Variants in SMAD1 observed in about 807,000 individuals in gnomAD.
SMAD1 encodes SMAD family member 1.
Under a neutral mutation model 41.6 loss-of-function variants are expected in SMAD1, and 6 were observed. That is an observed-to-expected ratio of 0.14 (90% CI 0.08 to 0.28). The LOEUF is 0.28. Among genes scored for constraint, SMAD1 ranks in the 10% least tolerant of loss-of-function variants. The pLI, the probability that SMAD1 is intolerant of heterozygous loss-of-function variation, is 1.00. For synonymous variants in SMAD1, 206 were observed against 203.2 expected, an observed-to-expected ratio of 1.01 and a Z score of -0.12; for missense variants, 379 against 582.6, an observed-to-expected ratio of 0.65 and a Z score of 3.60.
rs371946497 is a variant in SMAD1, at chr4:145,522,886, C to T, written c.400+7873C>T. On this transcript the variant is annotated intron_variant, in intron 2 of 6. Coordinates refer to ENST00000302085, the MANE Select transcript of SMAD1 (RefSeq NM_005900.3). ...GTAGAGACGGGGTTTCTCCATATGG[C>T]CAGGCTGGTCTCGAACTCCTGACCT... 3.0e-3 allele frequency among the ~76,000 whole-genome samples: 449 copies of T among 151,936 alleles called. 1 individual carries two copies. Among genetic ancestry groups the T allele is most frequent in the African/African-American group, 0.01 (427 of 41,470 alleles).
chr4:145,527,686 G>A (rs1560748507), intron 2 of SMAD1, among the ~76,000 whole-genome samples: 1 of 152,046 alleles, frequency 6.6e-6, no homozygotes, highest in Non-Finnish European at 1.5e-5. Context: ...GTGCTATACT[G>A]CTTCCCAAAA....
chr4:145,542,223 A>G (rs1001152559), intron 3 of SMAD1, among the ~76,000 whole-genome samples: 12 of 152,242 alleles, frequency 7.9e-5, no homozygotes, highest in Admixed American at 6.5e-4. Flanking sequence ...TTTTCCATCT[A>G]TCAGTGAAAC....
chr4:145,530,645 T>C (rs1439561768), intron 2 of SMAD1, among the ~76,000 whole-genome samples: 6 of 152,158 alleles, frequency 3.9e-5, no homozygotes, highest in African/African-American at 1.4e-4. Context: ...TTTTAATATA[T>C]TTGTACTTGA....
chr4:145,536,147 T>C (rs1731600756), intron 2 of SMAD1, among the ~76,000 whole-genome samples: 2 of 152,116 alleles, frequency 1.3e-5, no homozygotes, highest in African/African-American at 4.8e-5. Flanking sequence ...GAGATACAGA[T>C]AGGAAATAGA....
At chr4:145,530,229 A>C (rs936527920) in intron 2 of SMAD1, among the ~76,000 whole-genome samples, 1 of 152,054 alleles carries the variant, frequency 6.6e-6, no homozygotes, top group Admixed American at 6.5e-5. Context: ...CATAGGGAGG[A>C]ATTCTTTTCT....
chr4:145,547,339 G>A (rs1284730503), intron 5 of SMAD1, among the ~76,000 whole-genome samples: 1 of 152,144 alleles, frequency 6.6e-6, no homozygotes, highest in Admixed American at 6.6e-5. Flanking sequence ...CATCGTGCAA[G>A]GTGGCACGAT....
intron 1 of SMAD1, chr4:145,513,248 G>GC (rs982609839): frequency 1.1e-4 from 17 of 152,216 alleles, no homozygotes; most frequent in African/African-American, 4.1e-4. Flanking sequence ...CAGGATCTTG[G>GC]CCCCCTCAAG....
At chr4:145,543,410 G>C (rs1732062504) in intron 4 of SMAD1, among the ~76,000 whole-genome samples, 1 of 152,186 alleles carries the variant, frequency 6.6e-6, no homozygotes, top group Non-Finnish European at 1.5e-5. Context: ...AATTAGGATA[G>C]ATACACATAA....
intron 1 of SMAD1, among the ~76,000 whole-genome samples, chr4:145,510,650 CAGTA>C (rs1730025703): frequency 6.6e-6 from 1 of 152,126 alleles, no homozygotes; most frequent in Non-Finnish European, 1.5e-5. Context: ...TGGTCAATTT[CAGTA>C]AGTATTCCTT....
Position 145,514,562 on chromosome 4 carries a change from T to G in SMAD1, c.-52T>G. 2 of 1,477,842 alleles carry G rather than the reference T, an allele frequency of 1.4e-6. No homozygotes were observed. 91.5% of individuals were successfully genotyped at this position (1,477,842 alleles called of 1,614,324 possible). A position where few individuals can be genotyped will look rare whatever the true frequency, so the allele number is the denominator to read the frequency against. ...ATCTCTTCTGCTGTCCTTTTGCATT[T>G]GGAGACAGCTTTATTTCACCATATC... On this transcript the variant is annotated 5_prime_UTR_variant, in exon 2 of 7. Coordinates refer to ENST00000302085, the MANE Select transcript of SMAD1 (RefSeq NM_005900.3). The surrounding 1 kb of genome is among the most constrained non-coding windows in gnomAD (Gnocchi z 4.7).
chr4:145,507,601 C>A (rs1245872814), intron 1 of SMAD1, among the ~76,000 whole-genome samples: 4 of 149,630 alleles, frequency 2.7e-5, no homozygotes, highest in African/African-American at 4.9e-5. Context: ...GAGTAAATTT[C>A]TGAAGATAAA....
intron 6 of SMAD1, among the ~76,000 whole-genome samples, chr4:145,555,628 T>C (rs1732796400): frequency 6.6e-6 from 1 of 152,230 alleles, no homozygotes; most frequent in Non-Finnish European, 1.5e-5. Context: ...TTAATTATTT[T>C]ACTTTTGTAG....
intron 2 of SMAD1, among the ~76,000 whole-genome samples, chr4:145,528,060 T>TACACACACACAC (rs35710925): frequency 7.0e-6 from 1 of 142,078 alleles, no homozygotes; most frequent in Non-Finnish European, 1.5e-5. Context: ...TTTTTGTTTG[T>TACACACACACAC]ACACACACAC....
At position 145,558,843 on chromosome 4, in the gene SMAD1, A is replaced by G. The variant is rs1330035162; in HGVS notation, c.*909A>G. On this transcript the variant is annotated 3_prime_UTR_variant, in exon 7 of 7. Transcript: ENST00000302085. ...AATTCCTGCTATTCTGAAATTGCCT[A>G]CATGTTTCAATACCAGTTATATGGA... Among the ~76,000 whole-genome samples, 4 of 152,308 alleles carry G rather than the reference A, an allele frequency of 2.6e-5. No homozygotes were observed. Among genetic ancestry groups the G allele is most frequent in the Admixed American group, 2.6e-4 (4 of 15,306 alleles).
At chr4:145,501,167 A>G (rs1172013657) in intron 1 of SMAD1, among the ~76,000 whole-genome samples, 1 of 152,250 alleles carries the variant, frequency 6.6e-6, no homozygotes, top group Non-Finnish European at 1.5e-5. Flanking sequence ...AAATATGTAA[A>G]ATAAATGGTT....
chr4:145,514,661 A>G lies in SMAD1; in HGVS notation c.48A>G (p.Arg16=), dbSNP rs2126409661. 2 of 1,613,430 alleles carry G rather than the reference A, an allele frequency of 1.2e-6. No individual in the cohort carries two copies. The highest frequency in any genetic ancestry group is 3.3e-5 in the Admixed American group (2 of 59,820). The change falls in exon 2 of 7, where the codon AGA becomes AGG. Residue 16 remains arginine, a synonymous_variant. Transcript: ENST00000302085. The surrounding 1 kb of genome is among the most constrained non-coding windows in gnomAD (Gnocchi z 4.7). The part of the protein sequence containing the change: ...LFSFTSPAVK[R]LLGWKQGDEE... ...CCTTTACAAGTCCAGCTGTGAAGAG[A>G]CTTCTTGGGTGGAAACAGGGCGATG...
intron 2 of SMAD1, among the ~76,000 whole-genome samples, chr4:145,528,555 T>G (rs943896692): frequency 6.2e-4 from 95 of 152,242 alleles, no homozygotes; most frequent in African/African-American, 2.2e-3. Flanking sequence ...ATGTTCTTTA[T>G]TAGATACCAA....
At chr4:145,554,093 T>A in intron 6 of SMAD1, 53 bp downstream of exon 6, 1 of 343,426 alleles carries the variant, frequency 2.9e-6, no homozygotes, top group Non-Finnish European at 4.0e-6. Flanking sequence ...TTGCTGTGCT[T>A]TTTTTTTTTT....
upstream of SMAD1, chr4:145,481,118 T>C (rs982453592): frequency 7.9e-5 from 12 of 151,320 alleles, no homozygotes; most frequent in East Asian, 1.9e-4. Context: ...TGCGGGGGAG[T>C]TGGCATCATC....
Sources: gnomAD v4.1 joint callset for allele counts (sites outside exome capture counted in the v4.1 genomes callset) on GRCh38, gnomAD v4.1.1 for gene constraint, Gnocchi (gnomAD v3.1) non-coding constraint, MANE v1.5 for transcripts, NCBI Gene and HGNC (gene_info 2026-07-23, HGNC 2026-07-21) for gene names.